KBTBD3: variants seen among roughly 807,000 people sequenced by gnomAD.
KBTBD3 encodes the protein kelch repeat and BTB domain-containing protein 3.
Under a neutral mutation model 49.6 loss-of-function variants are expected in KBTBD3, and 38 were observed. That is an observed-to-expected ratio of 0.77 (90% CI 0.59 to 1.00). The LOEUF is 1.00. KBTBD3 is among the 50% of genes least tolerant of loss of function. The pLI is 0.00. For synonymous variants in KBTBD3, 214 were observed against 250.4 expected (o/e 0.85, Z 1.37); for missense variants, 661 against 712.0 (o/e 0.93, Z 0.81).
chr11:106,064,246 T>A (rs1464425316), intron 2 of KBTBD3, among the ~76,000 whole-genome samples: 1 of 151,968 alleles, frequency 6.6e-6, no homozygotes, highest in Admixed American at 6.6e-5. Flanking sequence ...AAACAAATGT[T>A]TAAAAGAAAT....
At chr11:106,077,154 T>A (rs1026899977) in intron 1 of KBTBD3, among the ~76,000 whole-genome samples, 158 bp downstream of exon 1, 3 of 152,080 alleles carry the variant, frequency 2.0e-5, no homozygotes, top group Non-Finnish European at 4.4e-5. Flanking sequence ...GGGGCACCAC[T>A]GCAGACCCCC....
At chr11:106,058,228 C>T (rs1315372104) in intron 3 of KBTBD3, among the ~76,000 whole-genome samples, 1 of 151,686 alleles carries the variant, frequency 6.6e-6, no homozygotes, top group African/African-American at 2.4e-5. Context: ...ACTAAAAATA[C>T]AAAAAATTAG....
intron 3 of KBTBD3, among the ~76,000 whole-genome samples, chr11:106,055,205 A>C (rs1860527437): frequency 6.6e-6 from 1 of 152,196 alleles, no homozygotes; most frequent in Admixed American, 6.5e-5. Flanking sequence ...AAGTTGACAG[A>C]ATCTAAGGAA....
intron 2 of KBTBD3, among the ~76,000 whole-genome samples, chr11:106,063,856 G>A (rs201107367): frequency 2.0e-5 from 3 of 152,062 alleles, no homozygotes; most frequent in Non-Finnish European, 4.4e-5. Flanking sequence ...GCTTGAACCC[G>A]GGAGGTGGAG....
chr11:106,065,700 C>G (rs1860795969), intron 2 of KBTBD3, among the ~76,000 whole-genome samples: 1 of 152,098 alleles, frequency 6.6e-6, no homozygotes, highest in Non-Finnish European at 1.5e-5. Context: ...GTGGCTCATG[C>G]CTGTAATCCC....
chr11:106,059,139 T>G, intron 2 of KBTBD3, 30 bp from the exon 3 acceptor site: 1 of 1,291,206 alleles, frequency 7.7e-7, no homozygotes, highest in Non-Finnish European at 1.1e-6. Context: ...ACCGATGTAG[T>G]AGAGACCTAA....
In KBTBD3 at chr11:106,053,015, A is replaced by G. The variant is rs571632302; in HGVS notation, c.1674T>C (p.Gly558=). ...GIEDKIYILG[G]DYAPDEITDE... ...CTGTGATTTCATCTGGTGCATAATC[A>G]CCACCTAATATATAAATTTTATCTT... Residue 558 remains glycine, a synonymous_variant, in exon 4 of 4, where the codon GGT becomes GGC. Transcript: ENST00000531837. 54 of 1,613,714 alleles carry G rather than the reference A, an allele frequency of 3.3e-5. No individual in the cohort carries two copies. In the South Asian group the frequency reaches 5.5e-4, roughly 16 times the overall value.
chr11:106,062,446 A>G (rs1860720781), intron 2 of KBTBD3, among the ~76,000 whole-genome samples: 1 of 152,190 alleles, frequency 6.6e-6, no homozygotes, highest in South Asian at 2.1e-4. Context: ...TACAAGTGCA[A>G]AGGCCTGAGA....
At chr11:106,071,972 C>T (rs527991548) in intron 2 of KBTBD3, among the ~76,000 whole-genome samples, 1 of 152,214 alleles carries the variant, frequency 6.6e-6, no homozygotes, top group South Asian at 2.1e-4. Flanking sequence ...AATTATTTTT[C>T]TTCAAATATT....
intron 3 of KBTBD3, 101 bp from the exon 4 acceptor site, chr11:106,054,556 A>G: frequency 3.9e-6 from 3 of 770,418 alleles, no homozygotes; most frequent in Non-Finnish European, 5.4e-6. Context: ...ACTTAAATAT[A>G]TTTATAAAAG....
chr11:106,053,115 C>T lies in KBTBD3; in HGVS notation c.1574G>A (p.Cys525Tyr), dbSNP rs1565399901. 6.2e-7 allele frequency: 1 copy of T among 1,613,646 alleles called. No homozygotes were observed. Among genetic ancestry groups the T allele is most frequent in the Non-Finnish European group, 8.5e-7 (1 of 1,179,782 alleles). The change falls in exon 4 of 4, where the codon TGT (cysteine) becomes TAT (tyrosine). Residue 525 changes from cysteine to tyrosine, a missense_variant. By Grantham distance (194) the Cys-to-Tyr change is radical (BLOSUM62 -2). Coordinates refer to ENST00000531837, the MANE Select transcript of KBTBD3 (RefSeq NM_198439.3). ...DLSTYKVYSF[C>Y]PDTCVWKGEG... ...GCCTTTCCAAACACAAGTGTCTGGA[C>T]AAAAACTATAAACCTTATAGGTGGA...
chr11:106,065,016 T>C (rs79270612), intron 2 of KBTBD3, among the ~76,000 whole-genome samples: 1 of 152,298 alleles, frequency 6.6e-6, no homozygotes, highest in African/African-American at 2.4e-5. Context: ...ATTAGAATAA[T>C]AGATGTTGGC....
chr11:106,072,350 C>T (rs1860935033), intron 2 of KBTBD3, among the ~76,000 whole-genome samples: 1 of 152,046 alleles, frequency 6.6e-6, no homozygotes, highest in Admixed American at 6.5e-5. Flanking sequence ...TATGTAGGTG[C>T]AAGGGTGTTA....
intron 2 of KBTBD3, among the ~76,000 whole-genome samples, chr11:106,065,759 A>G (rs908899544): frequency 5.3e-5 from 8 of 151,990 alleles, no homozygotes; most frequent in Admixed American, 4.6e-4. Flanking sequence ...TCAGGAGTTC[A>G]AGACCAGCCT....
At chr11:106,073,046 C>A (rs1233089403) in intron 2 of KBTBD3, among the ~76,000 whole-genome samples, 1 of 151,994 alleles carries the variant, frequency 6.6e-6, no homozygotes, top group Non-Finnish European at 1.5e-5. Context: ...AAAGGGGTAA[C>A]AGGGAACACT....
At chr11:106,058,146 A>C in intron 3 of KBTBD3, 1 of 370,348 alleles carries the variant, frequency 2.7e-6, no homozygotes, top group Non-Finnish European at 4.8e-6. Flanking sequence ...GCACTTTGGG[A>C]GGCCGAAGTG....
intron 2 of KBTBD3, among the ~76,000 whole-genome samples, chr11:106,067,212 G>A (rs1376444860): frequency 2.0e-5 from 3 of 152,148 alleles, no homozygotes; most frequent in East Asian, 1.9e-4. Context: ...AAGGTACAAC[G>A]GAGAGCCTAG....
chr11:106,058,212 G>A (rs1210591230), intron 3 of KBTBD3, among the ~76,000 whole-genome samples: 2 of 151,716 alleles, frequency 1.3e-5, no homozygotes, highest in African/African-American at 2.4e-5. Context: ...GTGAAACCCC[G>A]TCTCTACTAA....
rs142587100 is a variant in KBTBD3, at chr11:106,057,748, C to T, written c.233+1117G>A. ...AGAAATGCCTTATAGCTAAGAAGTA[C>T]TTTTCCCTAATATAAGGAGAGGATG... On this transcript the variant is annotated intron_variant, in intron 3 of 3. Coordinates refer to ENST00000531837, the MANE Select transcript of KBTBD3 (RefSeq NM_198439.3). 720 of 282,846 alleles carry T rather than the reference C, an allele frequency of 2.5e-3. 6 individuals carry two copies. The highest frequency in any genetic ancestry group is 0.014 in the African/African-American group (638 of 45,798). The allele number at this position is 282,846 out of a possible 1,614,324, so 17.5% of individuals were successfully genotyped here.
Sources: gnomAD v4.1 joint callset for allele counts (sites outside exome capture counted in the v4.1 genomes callset) on GRCh38, gnomAD v4.1.1 for gene constraint, MANE v1.5 for transcripts, NCBI Gene and HGNC (gene_info 2026-07-23, HGNC 2026-07-21) for gene names.